Variants in ACOT11 observed in about 807,000 individuals in gnomAD.
The protein encoded by ACOT11 is acyl-coenzyme A thioesterase 11.
ACOT11 carries 69 observed loss-of-function variants against 77.5 expected under a neutral mutation model. That is an observed-to-expected ratio of 0.89 (90% CI 0.73 to 1.09). The LOEUF (loss-of-function observed/expected upper bound fraction) is 1.09, where lower values mean the gene tolerates loss of function less well. Among genes scored for constraint, ACOT11 ranks in the 50% least tolerant of loss-of-function variants. ACOT11 has a pLI of 0.00. For synonymous variants in ACOT11, 279 were observed against 313.0 expected (o/e 0.89, Z 1.15); for missense variants, 766 against 813.7 (o/e 0.94, Z 0.71).
rs772486986 is a variant in ACOT11 at position 54,603,940 on chromosome 1, A to G, written c.1152+3A>G. 6.2e-7 allele frequency: 1 copy of G among 1,613,712 alleles called. No individual in the cohort carries two copies. Among genetic ancestry groups the G allele is most frequent in the East Asian group, 2.2e-5 (1 of 44,882 alleles). The stretch of plus-strand genomic sequence containing the variant: ...TCCCCTGGGACCCTAGCAACCAGGT[A>G]AGGCTCTCTGCTCCGAGAGGACAGT... On this transcript the variant is annotated splice_donor_region_variant and intron_variant, in intron 11 of 15. Coordinates refer to ENST00000343744, the MANE Select transcript of ACOT11 (RefSeq NM_147161.4).
At chr1:54,566,968 G>T (rs1653755513) in intron 1 of ACOT11, among the ~76,000 whole-genome samples, 1 of 152,162 alleles carries the variant, frequency 6.6e-6, no homozygotes, top group Non-Finnish European at 1.5e-5. Context: ...AGAGGAGGAG[G>T]TTAGACTCTA....
intron 1 of ACOT11, among the ~76,000 whole-genome samples, chr1:54,570,841 CAG>C (rs1339271431): frequency 6.7e-6 from 1 of 150,024 alleles, no homozygotes; most frequent in Non-Finnish European, 1.5e-5. Flanking sequence ...CCACCACACC[CAG>C]CTAATTTTTT....
chr1:54,611,869 C>T (rs1169911518), downstream of ACOT11: 21 of 1,114,130 alleles, frequency 1.9e-5, no homozygotes, highest in African/African-American at 4.6e-5. Context: ...AGTCGCCCAC[C>T]TGCCACTTCT....
At position 54,617,293 on chromosome 1, in the gene ACOT11, C is replaced by T. The variant is rs1644182895; in HGVS notation, c.1629+9225C>T. Among the ~76,000 whole-genome samples the T allele has an allele frequency of 2.0e-5, 3 of 152,016 alleles. No homozygotes were observed. The South Asian group carries it at 6.2e-4, about 32-fold the overall frequency. On this transcript the variant is annotated intron_variant, in intron 15 of 16. Coordinates refer to the ACOT11 transcript ENST00000371316. ...GGAGGGGAGAGGGGCCGCTTTTGGCCCTTGCAGCATCACAAACGACTGATG... is the reference window on the plus strand; with the variant it reads ...GGAGGGGAGAGGGGCCGCTTTTGGCTCTTGCAGCATCACAAACGACTGATG...
intron 1 of ACOT11, among the ~76,000 whole-genome samples, chr1:54,569,797 T>C (rs1478526736): frequency 2.0e-5 from 3 of 152,250 alleles, no homozygotes; most frequent in African/African-American, 7.2e-5. Flanking sequence ...AAAGCTTAAA[T>C]GCAGGTTGAT....
At position 54,584,626 on chromosome 1, in the gene ACOT11, G is replaced by A; in HGVS notation, c.34-29G>A. Reference sequence around the variant, plus strand: ...GACCCTGCAGCAAGCAGACCTCTCTGTCCCCACCTGTCCCCACCTGTACCC... The same window carrying A: ...GACCCTGCAGCAAGCAGACCTCTCTATCCCCACCTGTCCCCACCTGTACCC... On this transcript the variant is annotated intron_variant, in intron 1 of 15. Transcript: ENST00000343744. This position sits in a 1 kb window ranked among gnomAD's most constrained non-coding sequence, Gnocchi z 6.3. 6.3e-7 allele frequency: 1 copy of A among 1,599,182 alleles called. No homozygotes were observed. Among genetic ancestry groups the A allele is most frequent in the South Asian group, 1.1e-5 (1 of 89,952 alleles).
chr1:54,609,578 T>A lies in ACOT11; in HGVS notation c.*466T>A. ...TTCCCTGTAGCCACTGCCCAGCACC[T>A]CCTCAGGCCAGCCTGGTGCCACAGT... On this transcript the variant is annotated 3_prime_UTR_variant, in exon 16 of 16. Transcript: ENST00000343744. 1 of 1,613,042 alleles carries A rather than the reference T, an allele frequency of 6.2e-7. No individual in the cohort carries two copies. Among genetic ancestry groups the A allele is most frequent in the East Asian group, 2.2e-5 (1 of 44,872 alleles).
intron 1 of ACOT11, among the ~76,000 whole-genome samples, chr1:54,569,971 A>G (rs935458588): frequency 1.3e-5 from 2 of 152,202 alleles, no homozygotes; most frequent in Admixed American, 6.5e-5. Flanking sequence ...CCCAGGTTCC[A>G]TTGAACACAT....
At chr1:54,587,841 C>T (rs956065774) in intron 3 of ACOT11, among the ~76,000 whole-genome samples, 2 of 151,924 alleles carry the variant, frequency 1.3e-5, no homozygotes, top group Admixed American at 6.5e-5. Flanking sequence ...GGATTACAGG[C>T]GTGAGCCACC....
chr1:54,591,456 C>T (rs1654708244), intron 3 of ACOT11, among the ~76,000 whole-genome samples: 1 of 152,250 alleles, frequency 6.6e-6, no homozygotes, highest in African/African-American at 2.4e-5. Context: ...GCCCCTTGAC[C>T]AGCAGGCCCC....
Position 54,602,665 on chromosome 1 carries a change from C to G in ACOT11, c.1030-4C>G. 2 of 1,540,534 alleles carry G rather than the reference C, an allele frequency of 1.3e-6. No individual in the cohort carries two copies. Among genetic ancestry groups the G allele is most frequent in the Non-Finnish European group, 8.7e-7 (1 of 1,144,862 alleles). On this transcript the variant is annotated splice_region_variant and splice_polypyrimidine_tract_variant and intron_variant, in intron 9 of 15. Transcript: ENST00000343744. Reference sequence around the variant, plus strand: ...CTGGTTGCCTATCCCGACTTCCTCCCCAGGATGGTGAGCGGCGGTACCGAG... The same window carrying G: ...CTGGTTGCCTATCCCGACTTCCTCCGCAGGATGGTGAGCGGCGGTACCGAG...
At chr1:54,630,594 A>T (rs538165496) in intron 15 of ACOT11, 2 of 503,518 alleles carry the variant, frequency 4.0e-6, no homozygotes, top group Admixed American at 7.7e-5. Flanking sequence ...CATCTATAGA[A>T]ACAATGCTAA....
At chr1:54,561,708 C>T (rs1382166870) in intron 1 of ACOT11, among the ~76,000 whole-genome samples, 7 of 127,916 alleles carry the variant, frequency 5.5e-5, no homozygotes, top group East Asian at 4.7e-4. Context: ...ACCTCCCGGA[C>T]GGGGCGGCTG....
intron 1 of ACOT11, among the ~76,000 whole-genome samples, chr1:54,568,332 A>G (rs946983196): frequency 7.7e-6 from 1 of 129,418 alleles, no homozygotes; most frequent in Non-Finnish European, 1.7e-5. Context: ...AGAAGACACT[A>G]TGTCTGTTTA....
downstream of ACOT11, chr1:54,611,803 A>G: frequency 1.9e-6 from 3 of 1,602,172 alleles, no homozygotes; most frequent in Non-Finnish European, 2.6e-6. Flanking sequence ...CCTCAGCCCC[A>G]CTCCTGTGCT....
intron 1 of ACOT11, among the ~76,000 whole-genome samples, chr1:54,572,816 C>T (rs899841238): frequency 1.3e-5 from 2 of 152,214 alleles, no homozygotes. Context: ...CTTCTGGGAG[C>T]AAACAAGCTC....
At chr1:54,610,989 T>A, downstream of ACOT11, 1 of 985,384 alleles carries the variant, frequency 1.0e-6, no homozygotes, top group African/African-American at 1.7e-5. Context: ...TAACCAGCAG[T>A]GGAGCTATGC....
At chr1:54,622,275 C>CAAAAAAA in intron 15 of ACOT11, among the ~76,000 whole-genome samples, 1 of 45,932 alleles carries the variant, frequency 2.2e-5, no homozygotes, top group Non-Finnish European at 4.0e-5. Flanking sequence ...GACTCTGTCT[C>CAAAAAAA]AAAAAAAAAA....
At chr1:54,633,753 C>T (rs919708163) in intron 16 of ACOT11, among the ~76,000 whole-genome samples, 1 of 152,222 alleles carries the variant, frequency 6.6e-6, no homozygotes, top group African/African-American at 2.4e-5. Context: ...ATACGACCTG[C>T]TCTAGGCATT....
Sources: allele counts gnomAD v4.1 joint callset (sites outside exome capture counted in the v4.1 genomes callset), GRCh38; gene constraint gnomAD v4.1.1; non-coding constraint Gnocchi (gnomAD v3.1); transcripts MANE v1.5; gene names NCBI Gene and HGNC (gene_info 2026-07-23, HGNC 2026-07-21).